The following MAST4 variants were observed in gnomAD, a reference collection of about 807,000 sequenced individuals.
MAST4 encodes the protein microtubule associated serine/threonine kinase family member 4, also known as microtubule-associated serine/threonine-protein kinase 4.
MAST4 carries 89 observed loss-of-function variants against 162.7 expected under a neutral mutation model. The observed-to-expected ratio is 0.55, with a 90% CI of 0.46 to 0.65. The LOEUF (loss-of-function observed/expected upper bound fraction) is 0.65. Ranked by LOEUF, MAST4 falls within the 30% of genes least tolerant of loss-of-function variation. The pLI, the probability that MAST4 is intolerant of heterozygous loss-of-function variation, is 0.00. For missense variants in MAST4, 3,153 were observed against 3,374.0 expected, an observed-to-expected ratio of 0.93 and a Z score of 1.62; for synonymous variants, 1,479 against 1,361.1, an observed-to-expected ratio of 1.09 and a Z score of -1.91.
intron 11 of MAST4, among the ~76,000 whole-genome samples, chr5:67,112,314 T>A (rs1766339623): frequency 6.6e-6 from 1 of 152,194 alleles, no homozygotes; most frequent in Admixed American, 6.5e-5. Flanking sequence ...ACCAGTTATG[T>A]GGGAACCCCA....
Position 66,631,063 on chromosome 5 carries a change from A to G in MAST4, c.363+34045A>G, listed in dbSNP as rs939281796. On this transcript the variant is annotated intron_variant, in intron 1 of 28. Transcript: ENST00000403625. ...TTATAGTTTTTCCACAGTAGCCTCCATGTTTTTTTCTCTTTTAATTTGTTG... is the reference window on the plus strand; with the variant it reads ...TTATAGTTTTTCCACAGTAGCCTCCGTGTTTTTTTCTCTTTTAATTTGTTG... Among the ~76,000 whole-genome samples, 4 of 152,126 alleles carry G rather than the reference A, an allele frequency of 2.6e-5. No individual in the cohort carries two copies. The East Asian group carries it at 5.8e-4, about 22-fold the overall frequency.
chr5:67,142,081 A>G (rs766476416), intron 19 of MAST4, 34 bp from the exon 20 acceptor site: 11 of 1,606,356 alleles, frequency 6.8e-6, no homozygotes, highest in Non-Finnish European at 8.5e-6. Flanking sequence ...ATAGTTTAAC[A>G]CTTTCCTCTC....
At chr5:66,998,715 A>G (rs1460481906) in intron 4 of MAST4, among the ~76,000 whole-genome samples, 2 of 152,092 alleles carry the variant, frequency 1.3e-5, no homozygotes, top group African/African-American at 4.8e-5. Flanking sequence ...CCTTTGCTTA[A>G]TATTCATCCC....
chr5:66,623,823 T>C (rs1580016847), intron 1 of MAST4, among the ~76,000 whole-genome samples: 1 of 152,298 alleles, frequency 6.6e-6, no homozygotes, highest in East Asian at 1.9e-4. Context: ...GAGGCAAAAT[T>C]ATCTGTTTGC....
intron 5 of MAST4, among the ~76,000 whole-genome samples, chr5:67,056,398 A>AT (rs1187408031): frequency 6.6e-6 from 1 of 152,186 alleles, no homozygotes. Context: ...TGCTAAGTGA[A>AT]TGATGATTCT....
chr5:66,764,102 A>G (rs182328226), intron 2 of MAST4, among the ~76,000 whole-genome samples: 3 of 152,336 alleles, frequency 2.0e-5, no homozygotes, highest in African/African-American at 7.2e-5. Context: ...AACTGCAAAC[A>G]TCTCAATGGT....
At chr5:66,690,961 C>T (rs181085801) in intron 1 of MAST4, among the ~76,000 whole-genome samples, 2 of 152,106 alleles carry the variant, frequency 1.3e-5, no homozygotes, top group Non-Finnish European at 2.9e-5. Context: ...AAGAATTGGG[C>T]ATTTGAATTT....
chr5:66,896,466 C>A lies in MAST4; in HGVS notation c.643-3485C>A, dbSNP rs185110583. ...TTATTTGGAAGTGAGTCACTAGGTC[C>A]CAGCCCACTCTCAAAGAGAGGAGAT... On this transcript the variant is annotated intron_variant, in intron 3 of 28. Transcript: ENST00000403625. 1.6e-3 allele frequency among the ~76,000 whole-genome samples: 244 copies of A among 152,234 alleles called. 1 individual carries two copies. The highest frequency in any genetic ancestry group is 5.6e-3 in the African/African-American group (234 of 41,528).
At chr5:66,913,412 CATA>C (rs757796517) in intron 4 of MAST4, among the ~76,000 whole-genome samples, 76 of 152,168 alleles carry the variant, frequency 5.0e-4, no homozygotes, top group Admixed American at 3.3e-4. Context: ...TCTCACTCAG[CATA>C]ATTATTTTGA....
chr5:66,772,677 T>C (rs1754412608), intron 2 of MAST4, among the ~76,000 whole-genome samples: 1 of 152,188 alleles, frequency 6.6e-6, no homozygotes. Context: ...CATCTTGCCA[T>C]CTTTTACTGC....
At chr5:66,972,377 A>G (rs926361528) in intron 4 of MAST4, among the ~76,000 whole-genome samples, 3 of 152,200 alleles carry the variant, frequency 2.0e-5, no homozygotes, top group African/African-American at 7.2e-5. Context: ...ATAAAACATT[A>G]TGGAGATACC....
At chr5:66,774,204 G>T (rs1754480324) in intron 2 of MAST4, among the ~76,000 whole-genome samples, 1 of 152,196 alleles carries the variant, frequency 6.6e-6, no homozygotes, top group Non-Finnish European at 1.5e-5. Context: ...GGTTTAGATT[G>T]GTCTGATAAA....
intron 4 of MAST4, among the ~76,000 whole-genome samples, chr5:66,945,347 T>C (rs1446181552): frequency 2.0e-5 from 3 of 152,122 alleles, no homozygotes; most frequent in Admixed American, 6.6e-5. Flanking sequence ...CAGTTCACAT[T>C]CCGGGGTTGT....
At chr5:66,598,990 A>T (rs1742380507) in intron 1 of MAST4, among the ~76,000 whole-genome samples, 1 of 152,242 alleles carries the variant, frequency 6.6e-6, no homozygotes. Context: ...AACATGGGTC[A>T]CTATTTGTGA....
At chr5:66,726,134 A>G (rs1243669122) in intron 1 of MAST4, among the ~76,000 whole-genome samples, 1 of 152,000 alleles carries the variant, frequency 6.6e-6, no homozygotes, top group Non-Finnish European at 1.5e-5. Context: ...TGGGGAGGCA[A>G]TGATAGATTG....
At chr5:66,696,092 A>G (rs1037202244) in intron 1 of MAST4, among the ~76,000 whole-genome samples, 3 of 152,176 alleles carry the variant, frequency 2.0e-5, no homozygotes, top group African/African-American at 7.2e-5. Flanking sequence ...CTTGCAAACT[A>G]ACACAGGAAC....
At chr5:66,959,081 AT>A in intron 4 of MAST4, 3 of 623,232 alleles carry the variant, frequency 4.8e-6, no homozygotes, top group Non-Finnish European at 8.8e-6. Context: ...ACATCTCTTG[AT>A]TACGGCTAGA....
At chr5:66,685,910 A>G (rs1020610059) in intron 1 of MAST4, among the ~76,000 whole-genome samples, 24 of 152,236 alleles carry the variant, frequency 1.6e-4, no homozygotes, top group African/African-American at 5.5e-4. Flanking sequence ...TTCAGGATGA[A>G]ACTGTTCCAC....
intron 4 of MAST4, among the ~76,000 whole-genome samples, chr5:66,951,850 TA>T (rs1196946136): frequency 6.6e-6 from 1 of 152,090 alleles, no homozygotes; most frequent in Admixed American, 6.5e-5. Context: ...AGATAACCTG[TA>T]AGTTTTTTTC....
Sources: gnomAD v4.1 joint callset for allele counts (sites outside exome capture counted in the v4.1 genomes callset) on GRCh38, gnomAD v4.1.1 for gene constraint, MANE v1.5 for transcripts, NCBI Gene and HGNC (gene_info 2026-07-23, HGNC 2026-07-21) for gene names.